PSG2: variants seen among roughly 807,000 people sequenced by gnomAD.
The protein encoded by PSG2 is pregnancy-specific beta-1-glycoprotein 2.
In PSG2, 49 loss-of-function variants were observed where a neutral mutation model predicts 36.2. The ratio of observed to expected loss-of-function variants is 1.35; its 90% confidence interval spans 1.08 to 1.72. The LOEUF is 1.72. Ranked by LOEUF, PSG2 falls within the 40% of genes most tolerant of loss-of-function variation. The pLI, the probability that PSG2 is intolerant of heterozygous loss-of-function variation, is 0.00. For missense variants in PSG2, 605 were observed against 407.2 expected (o/e 1.49, Z -4.18); for synonymous variants, 261 against 155.6 (o/e 1.68, Z -5.04).
chr19:43,076,678 G>A (rs1468917538), intron 2 of PSG2, among the ~76,000 whole-genome samples: 2 of 151,630 alleles, frequency 1.3e-5, no homozygotes, highest in Non-Finnish European at 2.9e-5. Context: ...GGGATCAGGG[G>A]AATAGGGCGT....
Position 43,082,626 on chromosome 19 carries a change from T to G in PSG2, c.-57A>C. On this transcript the variant is annotated 5_prime_UTR_variant, in exon 1 of 6. Transcript: ENST00000406487. The stretch of plus-strand genomic sequence containing the variant: ...GAGATGAGCCTAGGATCCAGAAACT[T>G]CCTGAGCACGGCTGTCAGCTGTGCT... 6.3e-7 allele frequency: 1 copy of G among 1,597,206 alleles called. No individual in the cohort carries two copies.
At chr19:43,077,166 T>C (rs1967908838) in intron 2 of PSG2, among the ~76,000 whole-genome samples, 2 of 151,704 alleles carry the variant, frequency 1.3e-5, no homozygotes, top group South Asian at 4.2e-4. Context: ...GTAGTAGTAT[T>C]TCTCCTGAGA....
At chr19:43,072,033 G>A (rs1967826227) in intron 3 of PSG2, 79 bp from the exon 4 acceptor site, 1 of 1,534,488 alleles carries the variant, frequency 6.5e-7, no homozygotes, top group Non-Finnish European at 8.9e-7. Context: ...GGGACACAGT[G>A]ACCCTCTGAG....
intron 4 of PSG2, among the ~76,000 whole-genome samples, chr19:43,067,898 T>G (rs1048750875): frequency 1.3e-5 from 2 of 150,954 alleles, no homozygotes; most frequent in Admixed American, 6.6e-5. Flanking sequence ...AGAAGAAAGA[T>G]CTCAGATCAA....
At chr19:43,068,593 A>T (rs1967774797) in intron 4 of PSG2, among the ~76,000 whole-genome samples, 1 of 151,706 alleles carries the variant, frequency 6.6e-6, no homozygotes, top group South Asian at 2.1e-4. Context: ...AAATAGACAA[A>T]CTCCTAGAAA....
At chr19:43,080,250 A>T (rs1443165826) in intron 2 of PSG2, among the ~76,000 whole-genome samples, 3 of 151,680 alleles carry the variant, frequency 2.0e-5, no homozygotes, top group Non-Finnish European at 4.4e-5. Flanking sequence ...GATGGTCTTC[A>T]AAGATTGTCT....
At chr19:43,067,638 G>A (rs1158057060) in intron 4 of PSG2, among the ~76,000 whole-genome samples, 1 of 151,200 alleles carries the variant, frequency 6.6e-6, no homozygotes, top group African/African-American at 2.5e-5. Flanking sequence ...GTGTCATATG[G>A]CTAGTGACAG....
rs141884048 is a variant in PSG2 at position 43,080,902 on chromosome 19, A to T, written c.409T>A (p.Tyr137Asn). ...TTACGGTATAAGGTGAAGGTGAAAT[A>T]TCCAGTTACTCCTCTAGTCCCATCA... ...RGDGTRGVTG[Y>N]FTFTLYLETP... Residue 137 changes from tyrosine (Y) to asparagine (N), a missense_variant, in exon 2 of 6, where the codon TAT becomes AAT. Physicochemically the swap from Tyr to Asn is moderately radical, Grantham distance 143. Transcript: ENST00000406487. 3.1e-6 allele frequency: 5 copies of T among 1,612,430 alleles called. No individual in the cohort carries two copies. The highest frequency in any genetic ancestry group is 4.5e-5 in the East Asian group (2 of 44,874).
At chr19:43,079,468 A>G (rs1024829338) in intron 2 of PSG2, among the ~76,000 whole-genome samples, 1 of 151,532 alleles carries the variant, frequency 6.6e-6, no homozygotes, top group African/African-American at 2.4e-5. Context: ...GAGGTTTTGG[A>G]TCATTCATTT....
At chr19:43,076,246 A>G (rs554458941) in intron 2 of PSG2, among the ~76,000 whole-genome samples, 50 of 151,702 alleles carry the variant, frequency 3.3e-4, no homozygotes, top group Non-Finnish European at 5.6e-4. Flanking sequence ...TCTCATAGTG[A>G]GTGACTTGAG....
intron 3 of PSG2, among the ~76,000 whole-genome samples, chr19:43,072,812 C>G (rs539455293): frequency 5.9e-5 from 9 of 151,848 alleles, no homozygotes; most frequent in Admixed American, 2.0e-4. Flanking sequence ...TGTGAGGCCG[C>G]CTGCTCTGTC....
chr19:43,069,433 G>A (rs970297698), intron 4 of PSG2, among the ~76,000 whole-genome samples: 7 of 151,684 alleles, frequency 4.6e-5, no homozygotes, highest in Non-Finnish European at 8.8e-5. Context: ...TGAAGCTGGA[G>A]GACTCACACT....
At position 43,079,053 on chromosome 19, in the gene PSG2, A is replaced by C. The variant is rs540957374; in HGVS notation, c.430+1828T>G. 3.3e-4 allele frequency among the ~76,000 whole-genome samples: 50 copies of C among 151,722 alleles called. 2 individuals are homozygous for C. The highest frequency in any genetic ancestry group is 1.4e-3 in the East Asian group (7 of 5,170). On this transcript the variant is annotated intron_variant, in intron 2 of 5. Transcript: ENST00000406487. ...GAGGTTGGCTAGGCCACAGTGTTAG[A>C]AGGAAGGGAACAGAACAGCCAGCCT...
chr19:43,070,936 T>A (rs2122899845), intron 4 of PSG2, among the ~76,000 whole-genome samples: 1 of 151,772 alleles, frequency 6.6e-6, no homozygotes, highest in East Asian at 1.9e-4. Context: ...AATCTCCCTA[T>A]TTCTCTAGCT....
intron 2 of PSG2, among the ~76,000 whole-genome samples, chr19:43,078,276 C>T (rs1161642017): frequency 1.3e-5 from 2 of 151,654 alleles, no homozygotes; most frequent in South Asian, 2.1e-4. Flanking sequence ...TGCCCAGGGA[C>T]GGCCTTTGTC....
chr19:43,081,518 G>A (rs1403120891), intron 1 of PSG2, among the ~76,000 whole-genome samples: 10 of 151,216 alleles, frequency 6.6e-5, no homozygotes, highest in Non-Finnish European at 1.3e-4. Context: ...TTTTCTGTTT[G>A]GAATCCTCTT....
intron 3 of PSG2, 118 bp from the exon 4 acceptor site, chr19:43,072,072 A>C (rs1599706831): frequency 2.1e-6 from 3 of 1,448,544 alleles, no homozygotes; most frequent in South Asian, 2.7e-5. Flanking sequence ...TCCCAGCAAA[A>C]CCCCCTCTAT....
chr19:43,071,967 G>A lies in PSG2; in HGVS notation c.710-13C>T, dbSNP rs1234363696. The stretch of plus-strand genomic sequence containing the variant: ...AGGTCTGGACCATCTGGAGCAAAGA[G>A]AATAAAGCCACAGGTGATGCCATCT... On this transcript the variant is annotated splice_polypyrimidine_tract_variant and intron_variant, in intron 3 of 5. Transcript: ENST00000406487. The A allele has an allele frequency of 1.9e-6, 3 of 1,610,798 alleles. No individual in the cohort carries two copies. In the Admixed American group the frequency reaches 5.0e-5, roughly 27 times the overall value.
Position 43,071,775 on chromosome 19 carries a change from C to G in PSG2, c.889G>C (p.Gly297Arg), listed in dbSNP as rs776373680. The change falls in exon 4 of 6, where the codon GGG becomes CGG. Residue 297 changes from glycine to arginine, a missense_variant. By Grantham distance (125) the Gly-to-Arg change is moderately radical. Coordinates refer to ENST00000406487, the MANE Select transcript of PSG2 (RefSeq NM_031246.4). ...TTACGAACAGAGCAAACATAGAGCC[C>G]GCTATGCTTTGTAGTAATTTGGGGG... is the stretch of plus-strand genomic sequence containing the variant. Reference protein sequence around the residue: ...FIPQITTKHSGLYVCSVRNSA... With the variant: ...FIPQITTKHSRLYVCSVRNSA... 1.9e-6 allele frequency: 3 copies of G among 1,612,528 alleles called. No homozygotes were observed. Among genetic ancestry groups the G allele is most frequent in the Non-Finnish European group, 2.5e-6 (3 of 1,179,232 alleles).
Sources: gnomAD v4.1 joint callset for allele counts (sites outside exome capture counted in the v4.1 genomes callset) on GRCh38, gnomAD v4.1.1 for gene constraint, MANE v1.5 for transcripts, NCBI Gene and HGNC (gene_info 2026-07-23, HGNC 2026-07-21) for gene names.